Variants in POLH observed in about 807,000 individuals in gnomAD.
The protein encoded by POLH is DNA polymerase eta transcript.
Under a neutral mutation model 73.6 loss-of-function variants are expected in POLH, and 53 were observed. The ratio of observed to expected loss-of-function variants is 0.72; its 90% CI spans 0.58 to 0.91. POLH has a LOEUF of 0.91. Among genes scored for constraint, POLH ranks in the 40% least tolerant of loss-of-function variants. POLH has a pLI of 0.00. For missense variants in POLH, 768 were observed against 865.4 expected, an observed-to-expected ratio of 0.89 and a Z score of 1.41; for synonymous variants, 292 against 308.5, an observed-to-expected ratio of 0.95 and a Z score of 0.56.
At chr6:43,603,444 T>C (rs1766956093) in intron 6 of POLH, among the ~76,000 whole-genome samples, 1 of 151,900 alleles carries the variant, frequency 6.6e-6, no homozygotes, top group South Asian at 2.1e-4. Context: ...TTTTTTTTTG[T>C]AGAGTTAGGG....
chr6:43,607,074 A>T (rs1486321883), intron 9 of POLH, among the ~76,000 whole-genome samples: 1 of 152,162 alleles, frequency 6.6e-6, no homozygotes, highest in Non-Finnish European at 1.5e-5. Context: ...AGCATGTATT[A>T]GTACTTAGTC....
rs747879122 is a variant in POLH at position 43,603,919 on chromosome 6, C to T, written c.792C>T (p.Ala264=). 10 of 1,613,096 alleles carry T rather than the reference C, an allele frequency of 6.2e-6. No individual in the cohort carries two copies. Among genetic ancestry groups the T allele is most frequent in the Non-Finnish European group, 8.5e-6 (10 of 1,179,156 alleles). Reference sequence around the variant, plus strand: ...GTAGTCTTGGAGGAAAGCTAGGGGCCTCTGTCATTGAGATCCTAGGGATAG... The same window carrying T: ...GTAGTCTTGGAGGAAAGCTAGGGGCTTCTGTCATTGAGATCCTAGGGATAG... The part of the protein sequence containing the change: ...KIRSLGGKLG[A]SVIEILGIEY... Residue 264 remains alanine, a synonymous_variant, in exon 7 of 11, where the codon GCC becomes GCT. Coordinates refer to ENST00000372236, the MANE Select transcript of POLH (RefSeq NM_006502.3).
intron 4 of POLH, among the ~76,000 whole-genome samples, chr6:43,595,273 G>A (rs1765912200): frequency 6.6e-6 from 1 of 151,870 alleles, no homozygotes; most frequent in Non-Finnish European, 1.5e-5. Flanking sequence ...TGGGATTACA[G>A]GTGTGCACCA....
intron 1 of POLH, chr6:43,578,581 A>T: frequency 3.6e-6 from 1 of 274,712 alleles, no homozygotes; most frequent in South Asian, 3.4e-5. Flanking sequence ...GAAATGCCAC[A>T]GATTGGGGGG....
chr6:43,601,123 T>C, intron 6 of POLH, 32 bp downstream of exon 6: 1 of 1,425,100 alleles, frequency 7.0e-7, no homozygotes, highest in Non-Finnish European at 9.9e-7. Context: ...TAAATTTCAC[T>C]TCTATCCATG....
At chr6:43,607,324 ACCTTGTGATCTT>A (rs1182641042) in intron 9 of POLH, among the ~76,000 whole-genome samples, 1 of 152,092 alleles carries the variant, frequency 6.6e-6, no homozygotes, top group Admixed American at 6.5e-5. Flanking sequence ...CAATCTCATG[ACCTTGTGATCTT>A]CCTGCCTCAG....
At chr6:43,611,145 A>G (rs1377396062) in intron 10 of POLH, among the ~76,000 whole-genome samples, 2 of 152,198 alleles carry the variant, frequency 1.3e-5, no homozygotes, top group Admixed American at 1.3e-4. Flanking sequence ...AAAATACAGT[A>G]CCAACCTCAG....
chr6:43,591,289 T>C (rs919739616), intron 4 of POLH: 6 of 152,200 alleles, frequency 3.9e-5, no homozygotes, highest in African/African-American at 1.2e-4. Context: ...CTTACCTTTC[T>C]GTACCACATC....
chr6:43,619,533 T>G lies in POLH; in HGVS notation c.*4976T>G, dbSNP rs2127829307. Among the ~76,000 whole-genome samples, 1 of 152,284 alleles carries G rather than the reference T, an allele frequency of 6.6e-6. No individual in the cohort carries two copies. Among genetic ancestry groups the G allele is most frequent in the East Asian group, 1.9e-4 (1 of 5,184 alleles). On this transcript the variant is annotated 3_prime_UTR_variant, in exon 11 of 11. Coordinates refer to ENST00000372236, the MANE Select transcript of POLH (RefSeq NM_006502.3). Reference sequence around the variant, plus strand: ...AATGTATATAGTGAAGAATTTTAGATCTGATTACCACAATTGGGATCATAA... The same window carrying G: ...AATGTATATAGTGAAGAATTTTAGAGCTGATTACCACAATTGGGATCATAA...
rs1767007778 is a variant in POLH at position 43,603,983 on chromosome 6, C to T, written c.856C>T (p.Leu286Phe). 6.2e-7 allele frequency: 1 copy of T among 1,613,236 alleles called. No homozygotes were observed. The highest frequency in any genetic ancestry group is 1.1e-5 in the South Asian group (1 of 91,066). The stretch of plus-strand genomic sequence containing the variant: ...ACTGACCCAGTTCACTGAATCCCAG[C>T]TCCAGAGTCATTTTGGGGAGAAGAA... ...GELTQFTESQ[L>F]QSHFGEKNGS... The change falls in exon 7 of 11, where the codon CTC (leucine) becomes TTC (phenylalanine). Residue 286 changes from leucine (L) to phenylalanine (F), a missense_variant. By Grantham distance (22) the Leu-to-Phe change is conservative (BLOSUM62 0). Transcript: ENST00000372236.
At position 43,616,157 on chromosome 6, in the gene POLH, G is replaced by A. The variant is rs1261014795; in HGVS notation, c.*1600G>A. Among the ~76,000 whole-genome samples, 26 of 151,896 alleles carry A rather than the reference G, an allele frequency of 1.7e-4. No individual in the cohort carries two copies. Among genetic ancestry groups the A allele is most frequent in the Non-Finnish European group, 3.7e-4 (25 of 67,980 alleles). On this transcript the variant is annotated 3_prime_UTR_variant, in exon 11 of 11. Transcript: ENST00000372236. ...TAGCCGGGTGCGGTGGCAGGCGCCT[G>A]TAGTCCCAGCTACTCGGGAGGCTGA...
Position 43,616,637 on chromosome 6 carries a change from G to T in POLH, c.*2080G>T, listed in dbSNP as rs573463716. Among the ~76,000 whole-genome samples the T allele has an allele frequency of 1.3e-4, 19 of 151,890 alleles. No homozygotes were observed. Among genetic ancestry groups the T allele is most frequent in the Non-Finnish European group, 2.1e-4 (14 of 67,984 alleles). On this transcript the variant is annotated 3_prime_UTR_variant, in exon 11 of 11. Coordinates refer to ENST00000372236, the MANE Select transcript of POLH (RefSeq NM_006502.3). The stretch of plus-strand genomic sequence containing the variant: ...CTTCTCTCTAGCTCTGTGACGGGCA[G>T]TTCAGATAATACCTTCACCAGATTT...
chr6:43,576,215 C>T lies in POLH; in HGVS notation c.-230C>T, dbSNP rs1329663103. 3 of 208,836 alleles carry T rather than the reference C, an allele frequency of 1.4e-5. No individual in the cohort carries two copies. Among genetic ancestry groups the T allele is most frequent in the African/African-American group, 4.7e-5 (2 of 42,896 alleles). The allele number at this position is 208,836 out of a possible 1,614,324, so 12.9% of individuals were successfully genotyped here. A position where few individuals can be genotyped will look rare whatever the true frequency, so the allele number is the denominator to read the frequency against. ...GGCGGCTGCATTGCTGGGCGCGCCG[C>T]TCTCGTCTGATCCCTGCTGGGGACG... On this transcript the variant is annotated 5_prime_UTR_variant, in exon 1 of 11. Transcript: ENST00000372236.
At chr6:43,586,529 T>G (rs1365030920) in intron 3 of POLH, among the ~76,000 whole-genome samples, 1 of 152,018 alleles carries the variant, frequency 6.6e-6, no homozygotes, top group Non-Finnish European at 1.5e-5. Flanking sequence ...CGTAGAAAAC[T>G]AGGTATAGAG....
At chr6:43,605,443 CTTTT>C (rs540143863) in intron 9 of POLH, 124 bp downstream of exon 9, 831 of 292,594 alleles carry the variant, frequency 2.8e-3, no homozygotes, top group Middle Eastern at 3.9e-3. Context: ...CGTTTTCTTT[CTTTT>C]TTTTTTTTTT....
At chr6:43,590,033 T>A (rs540986468) in intron 4 of POLH, among the ~76,000 whole-genome samples, 1 of 152,096 alleles carries the variant, frequency 6.6e-6, no homozygotes, top group Non-Finnish European at 1.5e-5. Context: ...AATTTTTTTT[T>A]CTTAGATTTG....
At position 43,614,406 on chromosome 6, in the gene POLH, T is replaced by A. The variant is rs2127822557; in HGVS notation, c.1991T>A (p.Leu664Ter). The A allele has an allele frequency of 1.9e-6, 3 of 1,614,202 alleles. No homozygotes were observed. Among genetic ancestry groups the A allele is most frequent in the Non-Finnish European group, 2.5e-6 (3 of 1,180,034 alleles). ...HFALELQKSF[L>*]QPHSSNPQVV... ...GCATTGGAGTTGCAGAAATCCTTTT[T>A]GCAGCCCCACTCTTCAAACCCCCAG... The change falls in exon 11 of 11, where the codon TTG becomes TAG. Residue 664 changes from leucine to a stop codon, truncating the protein, a stop_gained. Transcript: ENST00000372236. LOFTEE classifies it high-confidence loss of function.
At chr6:43,598,038 C>T (rs1561906309) in intron 5 of POLH, among the ~76,000 whole-genome samples, 173 bp downstream of exon 5, 1 of 151,746 alleles carries the variant, frequency 6.6e-6, no homozygotes, top group Non-Finnish European at 1.5e-5. Flanking sequence ...CATGTTGAAA[C>T]CCAGTCTCTA....
chr6:43,610,949 G>A lies in POLH; in HGVS notation c.1244+226G>A, dbSNP rs539832895. ...TAAAGTTATTATTAAAGTATCGGCC[G>A]GGCGCAGTGGCTCACGCCTGTAATC... is the stretch of plus-strand genomic sequence containing the variant. On this transcript the variant is annotated intron_variant, in intron 10 of 10. Transcript: ENST00000372236. Among the ~76,000 whole-genome samples, 248 of 152,242 alleles carry A rather than the reference G, an allele frequency of 1.6e-3. 2 individuals carry two copies. The highest frequency in any genetic ancestry group is 5.7e-3 in the African/African-American group (238 of 41,536).
Sources: gnomAD v4.1 joint callset for allele counts (sites outside exome capture counted in the v4.1 genomes callset) on GRCh38, gnomAD v4.1.1 for gene constraint, MANE v1.5 for transcripts, NCBI Gene and HGNC (gene_info 2026-07-23, HGNC 2026-07-21) for gene names.